SDK1: variants seen among roughly 807,000 people sequenced by gnomAD.
The protein encoded by SDK1 is protein sidekick-1.
In SDK1, 157 loss-of-function variants were observed where a neutral mutation model predicts 245.5. That is an observed-to-expected ratio of 0.64 (90% CI 0.56 to 0.73). The LOEUF is 0.73. Ranked by LOEUF, SDK1 falls within the 30% of genes least tolerant of loss-of-function variation. The pLI is 0.00. For missense variants in SDK1, 3,583 were observed against 3,002.3 expected (o/e 1.19, Z -4.52); for synonymous variants, 1,647 against 1,278.5 (o/e 1.29, Z -6.15).
intron 2 of SDK1, among the ~76,000 whole-genome samples, chr7:3,629,537 C>T (rs1782227773): frequency 6.6e-6 from 1 of 152,152 alleles, no homozygotes; most frequent in African/African-American, 2.4e-5. Flanking sequence ...CGTAAAACCT[C>T]ATATTCATGA....
intron 1 of SDK1, among the ~76,000 whole-genome samples, chr7:3,570,075 G>C (rs1384370167): frequency 6.6e-6 from 1 of 152,144 alleles, no homozygotes; most frequent in South Asian, 2.1e-4. Context: ...GAAACAACTG[G>C]CTCCTACTTC....
chr7:3,551,128 G>C (rs935196305), intron 1 of SDK1, among the ~76,000 whole-genome samples: 1 of 151,950 alleles, frequency 6.6e-6, no homozygotes, highest in Non-Finnish European at 1.5e-5. Flanking sequence ...TTGTTCTTTT[G>C]TATTTTGTTT....
chr7:3,631,267 A>C (rs139866132), intron 2 of SDK1, among the ~76,000 whole-genome samples: 13 of 152,170 alleles, frequency 8.5e-5, no homozygotes, highest in Admixed American at 1.3e-4. Context: ...CTTTTAATCT[A>C]TTGAGCTCTC....
intron 40 of SDK1, chr7:4,232,777 A>G (rs1318696471): frequency 6.5e-6 from 1 of 152,998 alleles, no homozygotes; most frequent in African/African-American, 2.4e-5. Context: ...GTGATTCTTT[A>G]CAACAAATCT....
intron 5 of SDK1, among the ~76,000 whole-genome samples, chr7:3,844,490 C>T (rs1283800977): frequency 6.6e-6 from 1 of 152,182 alleles, no homozygotes; most frequent in Non-Finnish European, 1.5e-5. Context: ...TAGCCTGGCT[C>T]CCAGGGAACT....
chr7:3,472,605 G>A (rs753896531), intron 1 of SDK1, among the ~76,000 whole-genome samples: 2 of 152,164 alleles, frequency 1.3e-5, no homozygotes, highest in Non-Finnish European at 2.9e-5. Flanking sequence ...ACTTCCCTAT[G>A]TCAAGGCCTG....
At chr7:3,766,622 A>G (rs1224732983) in intron 4 of SDK1, among the ~76,000 whole-genome samples, 1 of 152,224 alleles carries the variant, frequency 6.6e-6, no homozygotes, top group Admixed American at 6.5e-5. Context: ...AGCTTTAGTA[A>G]GGACATGCAA....
chr7:3,860,678 GT>G (rs1436545603), intron 5 of SDK1, among the ~76,000 whole-genome samples: 5 of 152,132 alleles, frequency 3.3e-5, no homozygotes, highest in African/African-American at 1.2e-4. Flanking sequence ...TTAAAATGAC[GT>G]AGCAGTCATC....
Position 4,268,348 on chromosome 7 carries a change from G to C in SDK1, c.*2964G>C. 16 of 1,048,770 alleles carry C rather than the reference G, an allele frequency of 1.5e-5. No homozygotes were observed. Among genetic ancestry groups the C allele is most frequent in the Non-Finnish European group, 1.8e-5 (16 of 866,198 alleles). The allele number at this position is 1,048,770 out of a possible 1,614,324, so 65.0% of individuals were successfully genotyped here. A position where few individuals can be genotyped will look rare whatever the true frequency, so the allele number is the denominator to read the frequency against. On this transcript the variant is annotated 3_prime_UTR_variant, in exon 45 of 45. Transcript: ENST00000404826. ...AGGTGAGCCCAGAGAGAGCTGCCAGGCCACACCCCCTCGGCCTCCTGCACG... is the reference window on the plus strand; with the variant it reads ...AGGTGAGCCCAGAGAGAGCTGCCAGCCCACACCCCCTCGGCCTCCTGCACG...
intron 1 of SDK1, among the ~76,000 whole-genome samples, chr7:3,511,060 C>T (rs1170629446): frequency 1.3e-5 from 2 of 152,114 alleles, no homozygotes; most frequent in East Asian, 3.9e-4. Context: ...CAAATGGTGA[C>T]AGTGGCTTGG....
chr7:4,157,256 G>A (rs1336580748), intron 30 of SDK1, among the ~76,000 whole-genome samples: 5 of 151,006 alleles, frequency 3.3e-5, no homozygotes, highest in South Asian at 4.2e-4. Flanking sequence ...ACGGACGGAC[G>A]GAAGGAAGGA....
At chr7:3,526,875 A>G (rs557285460) in intron 1 of SDK1, among the ~76,000 whole-genome samples, 27 of 152,124 alleles carry the variant, frequency 1.8e-4, no homozygotes, top group African/African-American at 4.8e-4. Context: ...TATTATGAAG[A>G]TATTTGTCAT....
At chr7:3,534,359 C>G (rs559310259) in intron 1 of SDK1, among the ~76,000 whole-genome samples, 2 of 152,106 alleles carry the variant, frequency 1.3e-5, no homozygotes, top group South Asian at 2.1e-4. Flanking sequence ...CATGGGAGTA[C>G]AGATGTCTCT....
At chr7:3,373,931 C>G (rs1021457456) in intron 1 of SDK1, among the ~76,000 whole-genome samples, 1 of 152,050 alleles carries the variant, frequency 6.6e-6, no homozygotes, top group Non-Finnish European at 1.5e-5. Context: ...ATGAAGAAAA[C>G]CATAAAACTT....
chr7:4,242,852 AT>A (rs1170007246), intron 43 of SDK1, among the ~76,000 whole-genome samples: 1 of 152,154 alleles, frequency 6.6e-6, no homozygotes, highest in Non-Finnish European at 1.5e-5. Context: ...CCTCCACTGA[AT>A]TTGGGAATCT....
intron 25 of SDK1, among the ~76,000 whole-genome samples, chr7:4,119,586 T>A (rs115904062): frequency 0.039 from 5,749 of 148,502 alleles, 584 homozygotes; most frequent in African/African-American, 0.11. Flanking sequence ...TAGTTACATA[T>A]CATACCCCAA....
At chr7:3,776,704 G>A (rs1780575468) in intron 4 of SDK1, among the ~76,000 whole-genome samples, 1 of 150,568 alleles carries the variant, frequency 6.6e-6, no homozygotes, top group African/African-American at 2.4e-5. Flanking sequence ...AAGATATTTT[G>A]CTTTTTTTTT....
chr7:3,532,454 C>T (rs529480091), intron 1 of SDK1, among the ~76,000 whole-genome samples: 3 of 152,302 alleles, frequency 2.0e-5, no homozygotes, highest in East Asian at 3.9e-4. Context: ...CGTTAGGTCT[C>T]ACCTGGTAGC....
intron 1 of SDK1, among the ~76,000 whole-genome samples, chr7:3,582,644 TA>T (rs1482163337): frequency 3.2e-5 from 3 of 95,016 alleles, no homozygotes; most frequent in Non-Finnish European, 5.8e-5. Context: ...TGAGCTTACA[TA>T]ACAAACCTGC....
Sources: gnomAD v4.1 joint callset for allele counts (sites outside exome capture counted in the v4.1 genomes callset) on GRCh38, gnomAD v4.1.1 for gene constraint, MANE v1.5 for transcripts, NCBI Gene and HGNC (gene_info 2026-07-23, HGNC 2026-07-21) for gene names.